The following TMEM232 variants were observed in gnomAD, a reference collection of about 807,000 sequenced individuals.
TMEM232 encodes the protein transmembrane protein 232.
In TMEM232, 80 loss-of-function variants were observed where a neutral mutation model predicts 78.8. The ratio of observed to expected loss-of-function variants is 1.01; its 90% CI spans 0.85 to 1.22. TMEM232 has a LOEUF of 1.22. Ranked by LOEUF, TMEM232 falls within the 50% of genes most tolerant of loss-of-function variation. TMEM232 has a pLI of 0.00. For missense variants in TMEM232, 881 were observed against 742.2 expected (o/e 1.19, Z -2.17); for synonymous variants, 297 against 254.3 (o/e 1.17, Z -1.60).
intron 7 of TMEM232, among the ~76,000 whole-genome samples, chr5:110,621,189 T>C (rs886963999): frequency 7.3e-5 from 11 of 150,580 alleles, no homozygotes; most frequent in African/African-American, 2.7e-4. Context: ...GCAAGAAACA[T>C]TTTTTCAAAA....
At chr5:110,678,936 T>A (rs554125794) in intron 1 of TMEM232, among the ~76,000 whole-genome samples, 1 of 152,328 alleles carries the variant, frequency 6.6e-6, no homozygotes, top group East Asian at 1.9e-4. Flanking sequence ...GAAGGACATC[T>A]TAGTTGCTTT....
chr5:110,408,162 T>C (rs1203229077), intron 2 of TMEM232, among the ~76,000 whole-genome samples: 1 of 151,974 alleles, frequency 6.6e-6, no homozygotes, highest in African/African-American at 2.4e-5. Context: ...GACACCTATA[T>C]TAAAAAAGTA....
chr5:110,471,323 A>G (rs10478013), intron 12 of TMEM232, among the ~76,000 whole-genome samples: 2,806 of 152,222 alleles, frequency 0.018, 103 homozygotes, highest in African/African-American at 0.065. Context: ...AGAAAGATGC[A>G]GACAGAAAAC....
At position 110,539,327 on chromosome 5, in the gene TMEM232, C is replaced by T. The variant is rs115039396; in HGVS notation, c.1456-10492G>A. On this transcript the variant is annotated intron_variant, in intron 11 of 13. Transcript: ENST00000455884. ...AACCCTGCAATTCTCCTTGCAAGGA[C>T]CCCATCTTACCCATTCTAAAGCCTT... 4.8e-3 allele frequency among the ~76,000 whole-genome samples: 738 copies of T among 152,240 alleles called. 4 individuals are homozygous for T. The highest frequency in any genetic ancestry group is 7.5e-3 in the Non-Finnish European group (511 of 68,024).
chr5:110,446,938 T>G (rs756065537), intron 12 of TMEM232, among the ~76,000 whole-genome samples: 4 of 151,898 alleles, frequency 2.6e-5, no homozygotes, highest in African/African-American at 9.7e-5. Context: ...TTTAGTAACC[T>G]GAGTCAGTAA....
chr5:110,634,204 T>C (rs1785505371), intron 5 of TMEM232, among the ~76,000 whole-genome samples: 1 of 152,108 alleles, frequency 6.6e-6, no homozygotes, highest in African/African-American at 2.4e-5. Context: ...AAACAAATAC[T>C]ACTAGATCTA....
intron 10 of TMEM232, among the ~76,000 whole-genome samples, chr5:110,600,775 AAT>A (rs1450519000): frequency 6.6e-6 from 1 of 152,180 alleles, no homozygotes; most frequent in East Asian, 1.9e-4. Context: ...TATTCCAAAC[AAT>A]AGAAAAATGG....
intron 1 of TMEM232, among the ~76,000 whole-genome samples, chr5:110,669,048 C>T (rs7730817): frequency 0.084 from 12,738 of 152,060 alleles, 564 homozygotes; most frequent in Admixed American, 0.12. Context: ...AATTGAAACC[C>T]TAACATCACA....
At chr5:110,461,067 G>T (rs1407774307) in intron 12 of TMEM232, among the ~76,000 whole-genome samples, 2 of 151,904 alleles carry the variant, frequency 1.3e-5, no homozygotes. Flanking sequence ...TAAATGAAAG[G>T]AAGAGTCACA....
intron 12 of TMEM232, among the ~76,000 whole-genome samples, chr5:110,490,121 AAAAGAAAGAAAGAAAGAAAG>A (rs201189138): frequency 0.051 from 5,657 of 110,510 alleles, 186 homozygotes; most frequent in South Asian, 0.11. Context: ...CTCCGTTTCA[AAAAGAAAGAAAGAAAGAAAG>A]AAAGAAAGAA....
At chr5:110,609,461 T>C (rs1781915799) in intron 8 of TMEM232, among the ~76,000 whole-genome samples, 1 of 152,014 alleles carries the variant, frequency 6.6e-6, no homozygotes, top group South Asian at 2.1e-4. Context: ...AGCCAATCCT[T>C]TATCTTAAGG....
intron 1 of TMEM232, among the ~76,000 whole-genome samples, chr5:110,675,026 TA>T (rs1791846183): frequency 9.2e-4 from 3 of 3,278 alleles, no homozygotes; most frequent in African/African-American, 1.4e-3. Context: ...TTTATTTATT[TA>T]TTTATTTATT....
chr5:110,405,747 G>C (rs1447384785), intron 2 of TMEM232, among the ~76,000 whole-genome samples: 1 of 142,722 alleles, frequency 7.0e-6, no homozygotes, highest in Non-Finnish European at 1.5e-5. Context: ...AAAAAAAAAG[G>C]AAAAAGTAAA....
chr5:110,406,263 T>TAC lies in TMEM232; in HGVS notation n.309-8410_309-8409insGT, dbSNP rs770672662. On this transcript the variant is annotated intron_variant and non_coding_transcript_variant, in intron 2 of 8. Transcript: ENST00000507188. ...TTCATCTACCTATGACACAGATATA[T>TAC]ATACACACACACACACACACACACA... is the stretch of plus-strand genomic sequence containing the variant. Among the ~76,000 whole-genome samples the TAC allele has an allele frequency of 9.5e-3, 491 of 51,646 alleles. 1 individual carries two copies. The highest frequency in any genetic ancestry group is 0.03 in the Middle Eastern group (3 of 100). The allele number at this position is 51,646 out of a possible 152,430, so 33.9% of individuals were successfully genotyped here. A position where few individuals can be genotyped will look rare whatever the true frequency, so the allele number is the denominator to read the frequency against.
At chr5:110,398,523 T>A (rs1755475974) in intron 2 of TMEM232, among the ~76,000 whole-genome samples, 1 of 152,112 alleles carries the variant, frequency 6.6e-6, no homozygotes, top group African/African-American at 2.4e-5. Flanking sequence ...CATGGACAGA[T>A]CTGCATAGGC....
At chr5:110,482,394 A>C (rs1026735273) in intron 12 of TMEM232, among the ~76,000 whole-genome samples, 4 of 152,116 alleles carry the variant, frequency 2.6e-5, no homozygotes, top group Non-Finnish European at 5.9e-5. Flanking sequence ...GAGCCTGGCC[A>C]ACATGGCAAA....
chr5:110,439,964 G>C (rs1420191973), intron 12 of TMEM232, among the ~76,000 whole-genome samples: 1 of 152,096 alleles, frequency 6.6e-6, no homozygotes, highest in African/African-American at 2.4e-5. Context: ...AATCTGTGTG[G>C]TTATCACAAC....
In TMEM232 at chr5:110,571,730, C is replaced by T. The variant is rs922736925; in HGVS notation, c.1277-3105G>A. On this transcript the variant is annotated intron_variant, in intron 10 of 13. Coordinates refer to ENST00000455884, the MANE Select transcript of TMEM232 (RefSeq NM_001039763.4). The stretch of plus-strand genomic sequence containing the variant: ...TAAATTAGCTGGGCATAGTGGTGCA[C>T]ATCTGTAGTCCCAGGTACTCAGGAG... Among the ~76,000 whole-genome samples, 4 of 150,928 alleles carry T rather than the reference C, an allele frequency of 2.7e-5. No individual in the cohort carries two copies. The East Asian group carries it at 7.8e-4, about 29-fold the overall frequency.
intron 8 of TMEM232, 133 bp downstream of exon 8, chr5:110,618,296 C>G: frequency 8.7e-7 from 1 of 1,149,046 alleles, no homozygotes; most frequent in Non-Finnish European, 1.2e-6. Context: ...TTGCCATTGC[C>G]TTTGGAACTG....
Sources: allele counts gnomAD v4.1 joint callset (sites outside exome capture counted in the v4.1 genomes callset), GRCh38; gene constraint gnomAD v4.1.1; transcripts MANE v1.5; gene names NCBI Gene and HGNC (gene_info 2026-07-23, HGNC 2026-07-21).